The following RTF1 variants were observed in gnomAD, a reference collection of about 807,000 sequenced individuals.
RTF1 encodes the protein RNA polymerase-associated protein RTF1 homolog.
RTF1 carries 10 observed loss-of-function variants against 95.7 expected under a neutral mutation model. The ratio of observed to expected loss-of-function variants is 0.10; its 90% CI spans 0.06 to 0.18. The LOEUF is 0.18. RTF1 is among the 10% of genes least tolerant of loss of function. RTF1 has a pLI of 1.00. For missense variants in RTF1, 458 were observed against 875.6 expected (o/e 0.52, Z 6.02); for synonymous variants, 305 against 311.8 (o/e 0.98, Z 0.23).
intron 1 of RTF1, among the ~76,000 whole-genome samples, chr15:41,423,067 C>T (rs1408480979): frequency 5.9e-5 from 9 of 152,120 alleles, no homozygotes; most frequent in Non-Finnish European, 1.2e-4. Context: ...CCACCGTGCC[C>T]GGCCAGCCCT....
chr15:41,417,424 C>A, intron 1 of RTF1, 111 bp downstream of exon 1: 1 of 954,736 alleles, frequency 1.0e-6, no homozygotes, highest in African/African-American at 1.7e-5. Context: ...CCAGCTCGCC[C>A]CGTGCCCTGG....
Position 41,453,059 on chromosome 15 carries a change from C to T in RTF1, c.457+11C>T. 2 of 1,551,112 alleles carry T rather than the reference C, an allele frequency of 1.3e-6. No homozygotes were observed. The highest frequency in any genetic ancestry group is 1.7e-6 in the Non-Finnish European group (2 of 1,153,644). ...CAGCCCCTGAGGAAGGTGAGCTGAG[C>T]AGCCTAGACCTGGAAGGTCAACTCC... On this transcript the variant is annotated intron_variant, in intron 3 of 17. Coordinates refer to ENST00000389629, the MANE Select transcript of RTF1 (RefSeq NM_015138.5).
intron 2 of RTF1, among the ~76,000 whole-genome samples, chr15:41,440,524 T>C (rs1481000819): frequency 7.8e-6 from 1 of 127,618 alleles, no homozygotes; most frequent in Non-Finnish European, 1.6e-5. Flanking sequence ...AGAGTCTCGC[T>C]CTGTTGCCAG....
At chr15:41,425,463 T>C (rs1351342343) in intron 1 of RTF1, among the ~76,000 whole-genome samples, 1 of 152,042 alleles carries the variant, frequency 6.6e-6, no homozygotes, top group African/African-American at 2.4e-5. Context: ...TAGGAAGCCA[T>C]TGAAGGATTT....
intron 1 of RTF1, among the ~76,000 whole-genome samples, chr15:41,425,617 G>T (rs1014490080): frequency 5.3e-5 from 8 of 152,152 alleles, no homozygotes; most frequent in African/African-American, 1.9e-4. Context: ...GAAGCGCCAG[G>T]AGGGTAACCG....
chr15:41,428,424 C>T (rs939443173), intron 1 of RTF1, among the ~76,000 whole-genome samples: 54 of 151,206 alleles, frequency 3.6e-4, no homozygotes, highest in African/African-American at 1.3e-3. Flanking sequence ...CCCGCCACTA[C>T]ACCCGGCTAA....
In RTF1 at chr15:41,424,057, T is replaced by C. The variant is rs943920347; in HGVS notation, c.198+6744T>C. ...GCATGAGCCACCGCATCCGGCCTGA[T>C]TGTTCATCGTTCAACAGATGTATTA... On this transcript the variant is annotated intron_variant, in intron 1 of 17. Transcript: ENST00000389629. Among the ~76,000 whole-genome samples the C allele has an allele frequency of 5.9e-5, 9 of 152,250 alleles. No individual in the cohort carries two copies. In the South Asian group the frequency reaches 8.3e-4, roughly 14 times the overall value.
chr15:41,437,539 A>C (rs1480683157), intron 1 of RTF1, among the ~76,000 whole-genome samples: 3 of 152,104 alleles, frequency 2.0e-5, no homozygotes, highest in Non-Finnish European at 4.4e-5. Flanking sequence ...TAGTGAGTAC[A>C]GTATAATTGT....
chr15:41,467,919 C>A (rs142685913), intron 6 of RTF1, among the ~76,000 whole-genome samples: 1 of 152,026 alleles, frequency 6.6e-6, no homozygotes, highest in African/African-American at 2.4e-5. Flanking sequence ...AATCCCAGCA[C>A]TTTGTGAGGT....
At chr15:41,422,473 C>G (rs538815107) in intron 1 of RTF1, among the ~76,000 whole-genome samples, 1 of 152,188 alleles carries the variant, frequency 6.6e-6, no homozygotes, top group South Asian at 2.1e-4. Context: ...CCTCTGGGCT[C>G]TATGTCATCT....
intron 2 of RTF1, among the ~76,000 whole-genome samples, chr15:41,442,299 C>G (rs1348892332): frequency 2.0e-5 from 3 of 151,820 alleles, no homozygotes; most frequent in Middle Eastern, 3.4e-3. Context: ...TCCCGAGCAG[C>G]TGGGACTACA....
intron 3 of RTF1, among the ~76,000 whole-genome samples, chr15:41,455,115 AC>A (rs1200477221): frequency 6.6e-6 from 1 of 152,046 alleles, no homozygotes; most frequent in African/African-American, 2.4e-5. Flanking sequence ...GGAGTTTGAG[AC>A]CATCCTGGCC....
chr15:41,464,329 C>T (rs1032623365), intron 4 of RTF1, among the ~76,000 whole-genome samples: 2 of 150,374 alleles, frequency 1.3e-5, no homozygotes, highest in Admixed American at 1.3e-4. Context: ...TGGCTCATTG[C>T]AACCTCCCTC....
At chr15:41,474,819 C>T (rs2050934477) in intron 9 of RTF1, 117 bp downstream of exon 9, 2 of 769,838 alleles carry the variant, frequency 2.6e-6, no homozygotes, top group Non-Finnish European at 4.7e-6. Flanking sequence ...TATGCAATCC[C>T]CACAAGGTAC....
At chr15:41,418,237 TGTAAA>T (rs1478757377) in intron 1 of RTF1, among the ~76,000 whole-genome samples, 5 of 152,164 alleles carry the variant, frequency 3.3e-5, no homozygotes, top group Admixed American at 2.6e-4. Context: ...GAGCAAATGA[TGTAAA>T]GAAAGAATAT....
intron 1 of RTF1, among the ~76,000 whole-genome samples, chr15:41,424,295 G>C (rs1423948613): frequency 1.3e-5 from 2 of 152,154 alleles, no homozygotes; most frequent in African/African-American, 4.8e-5. Flanking sequence ...GAGTGACATT[G>C]AAACAGACCT....
intron 4 of RTF1, among the ~76,000 whole-genome samples, chr15:41,459,040 C>T (rs770994161): frequency 2.0e-5 from 3 of 151,802 alleles, no homozygotes; most frequent in East Asian, 1.9e-4. Context: ...CCACTGGACT[C>T]CAGCCTGGGC....
At chr15:41,473,075 G>T (rs2050922586) in intron 8 of RTF1, among the ~76,000 whole-genome samples, 1 of 152,042 alleles carries the variant, frequency 6.6e-6, no homozygotes, top group Admixed American at 6.6e-5. Context: ...CAAACTCCGG[G>T]CCTCAAGTGA....
At chr15:41,471,400 C>G (rs1411492697) in intron 8 of RTF1, 51 bp downstream of exon 8, 1 of 1,545,108 alleles carries the variant, frequency 6.5e-7, no homozygotes, top group Non-Finnish European at 8.8e-7. Context: ...TATAATTAGT[C>G]TCAACTGAGG....
Sources: allele counts gnomAD v4.1 joint callset (sites outside exome capture counted in the v4.1 genomes callset), GRCh38; gene constraint gnomAD v4.1.1; transcripts MANE v1.5; gene names NCBI Gene and HGNC (gene_info 2026-07-23, HGNC 2026-07-21).